Variants in KCTD1 observed in about 807,000 individuals in gnomAD.
KCTD1 encodes BTB/POZ domain-containing protein KCTD1.
KCTD1 carries 24 observed loss-of-function variants against 66.0 expected under a neutral mutation model. That is an observed-to-expected ratio of 0.36 (90% CI 0.26 to 0.51). The LOEUF (loss-of-function observed/expected upper bound fraction) is 0.51, where lower values mean the gene tolerates loss of function less well. Among genes scored for constraint, KCTD1 ranks in the 20% least tolerant of loss-of-function variants. The pLI is 0.95. For synonymous variants in KCTD1, 511 were observed against 517.2 expected, an observed-to-expected ratio of 0.99 and a Z score of 0.16; for missense variants, 943 against 1,205.2, an observed-to-expected ratio of 0.78 and a Z score of 3.22.
chr18:26,559,894 C>T (rs1031921639), intron 1 of KCTD1, among the ~76,000 whole-genome samples: 12 of 152,124 alleles, frequency 7.9e-5, no homozygotes, highest in Non-Finnish European at 1.5e-4. Context: ...AATGGCCAGG[C>T]CCTTTTGCCA....
chr18:26,522,810 C>G (rs544203431), intron 1 of KCTD1, among the ~76,000 whole-genome samples: 1 of 152,214 alleles, frequency 6.6e-6, no homozygotes, highest in Non-Finnish European at 1.5e-5. Context: ...TCTTCAATGA[C>G]CATGAAACAG....
At chr18:26,513,667 T>C (rs1039537414) in intron 1 of KCTD1, among the ~76,000 whole-genome samples, 4 of 152,258 alleles carry the variant, frequency 2.6e-5, no homozygotes, top group African/African-American at 9.6e-5. Flanking sequence ...TTATAATCTA[T>C]GCAGTCGGAC....
At chr18:26,539,731 A>G (rs1984885105) in intron 1 of KCTD1, among the ~76,000 whole-genome samples, 1 of 152,220 alleles carries the variant, frequency 6.6e-6, no homozygotes, top group African/African-American at 2.4e-5. Flanking sequence ...GAATGTGGAA[A>G]TAATTCATGT....
At chr18:26,579,496 TTAGA>T (rs1300260385) in intron 1 of KCTD1, among the ~76,000 whole-genome samples, 2 of 152,296 alleles carry the variant, frequency 1.3e-5, no homozygotes, top group African/African-American at 2.4e-5. Flanking sequence ...TCCACCTGAT[TTAGA>T]TAAAGTTAGG....
chr18:26,524,310 T>C (rs1984055142), intron 1 of KCTD1, among the ~76,000 whole-genome samples: 1 of 152,150 alleles, frequency 6.6e-6, no homozygotes. Context: ...GCTCCATCAC[T>C]ATCCAGCTTT....
chr18:26,561,286 C>A (rs1191070917), intron 1 of KCTD1, among the ~76,000 whole-genome samples: 1 of 152,128 alleles, frequency 6.6e-6, no homozygotes, highest in Non-Finnish European at 1.5e-5. Flanking sequence ...AAGAGAGTAG[C>A]ATTGAGGAAC....
At chr18:26,571,986 C>G (rs1986118185) in intron 1 of KCTD1, among the ~76,000 whole-genome samples, 3 of 150,754 alleles carry the variant, frequency 2.0e-5, no homozygotes, top group African/African-American at 7.3e-5. Flanking sequence ...ATACTTAATT[C>G]TGTATTCATT....
At chr18:26,623,070 G>A (rs930844860) in intron 1 of KCTD1, among the ~76,000 whole-genome samples, 2 of 151,918 alleles carry the variant, frequency 1.3e-5, no homozygotes, top group Admixed American at 6.6e-5. Context: ...TTAATGTCTG[G>A]TCTCGGCCTT....
chr18:26,624,384 G>C (rs1942424), intron 1 of KCTD1, among the ~76,000 whole-genome samples: 1 of 152,268 alleles, frequency 6.6e-6, no homozygotes, highest in Admixed American at 6.5e-5. Context: ...AAAATGGTTT[G>C]GTGGGCAAGA....
chr18:26,627,884 C>G (rs1987536787), intron 1 of KCTD1, among the ~76,000 whole-genome samples: 1 of 152,252 alleles, frequency 6.6e-6, no homozygotes, highest in African/African-American at 2.4e-5. Context: ...AAGAATCCAC[C>G]TGGTTCTTGC....
At chr18:26,599,726 A>C in intron 1 of KCTD1, 1 of 1,562,380 alleles carries the variant, frequency 6.4e-7, no homozygotes. Context: ...TAACAATAGC[A>C]AAGTGAAGAC....
chr18:26,495,767 C>A (rs1982439492), intron 2 of KCTD1, among the ~76,000 whole-genome samples: 1 of 152,054 alleles, frequency 6.6e-6, no homozygotes. Context: ...ACAATCAGTG[C>A]TTTTATTTAA....
At chr18:26,535,114 T>TG (rs1984633313) in intron 1 of KCTD1, among the ~76,000 whole-genome samples, 2 of 110,794 alleles carry the variant, frequency 1.8e-5, no homozygotes, top group East Asian at 2.9e-4. Flanking sequence ...GGTTGGGGGG[T>TG]GGGGGTGGAG....
chr18:26,594,911 T>C (rs1481067216), intron 1 of KCTD1, among the ~76,000 whole-genome samples: 2 of 152,116 alleles, frequency 1.3e-5, no homozygotes, highest in Non-Finnish European at 2.9e-5. Context: ...ACCTGCAGAT[T>C]TGGGACTTAG....
intron 1 of KCTD1, among the ~76,000 whole-genome samples, chr18:26,517,728 G>A (rs948357771): frequency 4.6e-5 from 7 of 150,618 alleles, no homozygotes; most frequent in East Asian, 1.9e-4. Flanking sequence ...CTGCCGCCAC[G>A]TGAGACGTGC....
At chr18:26,513,235 C>G (rs1983441083) in intron 1 of KCTD1, among the ~76,000 whole-genome samples, 1 of 151,646 alleles carries the variant, frequency 6.6e-6, no homozygotes, top group South Asian at 2.1e-4. Flanking sequence ...CTACAGGCGC[C>G]CGCAACCACG....
chr18:26,469,376 C>T (rs537487196), intron 3 of KCTD1, among the ~76,000 whole-genome samples: 13 of 152,042 alleles, frequency 8.6e-5, no homozygotes, highest in Non-Finnish European at 1.8e-4. Context: ...AGTTGAACTC[C>T]GTGTGGAAGT....
intron 1 of KCTD1, among the ~76,000 whole-genome samples, chr18:26,502,950 G>T (rs1982842585): frequency 6.6e-6 from 1 of 152,190 alleles, no homozygotes; most frequent in Non-Finnish European, 1.5e-5. Context: ...GGAGTTACCT[G>T]GGGCACAACT....
intron 1 of KCTD1, among the ~76,000 whole-genome samples, chr18:26,541,632 T>G (rs1984978444): frequency 1.3e-5 from 2 of 152,164 alleles, no homozygotes; most frequent in South Asian, 4.1e-4. Flanking sequence ...TGAAAGGAAT[T>G]TGGAGTATCA....
Sources: allele counts gnomAD v4.1 joint callset (sites outside exome capture counted in the v4.1 genomes callset), GRCh38; gene constraint gnomAD v4.1.1; transcripts MANE v1.5; gene names NCBI Gene and HGNC (gene_info 2026-07-23, HGNC 2026-07-21).